NGEF: variants seen among roughly 807,000 people sequenced by gnomAD.
The protein encoded by NGEF is neuronal guanine nucleotide exchange factor.
Under a neutral mutation model 80.9 loss-of-function variants are expected in NGEF, and 31 were observed. That is an observed-to-expected ratio of 0.38 (90% CI 0.29 to 0.52). NGEF has a LOEUF of 0.52. NGEF is among the 20% of genes least tolerant of loss of function. The pLI is 0.84. For missense variants in NGEF, 709 were observed against 926.2 expected (o/e 0.77, Z 3.04); for synonymous variants, 371 against 370.2 (o/e 1.00, Z -0.03).
intron 3 of NGEF, among the ~76,000 whole-genome samples, chr2:232,947,139 G>A (rs1693576610): frequency 6.6e-6 from 1 of 152,140 alleles, no homozygotes; most frequent in East Asian, 1.9e-4. Flanking sequence ...AGTAGCAAAA[G>A]GAAAAATTGT....
chr2:232,939,661 G>A (rs892187966), intron 3 of NGEF, among the ~76,000 whole-genome samples: 4 of 152,124 alleles, frequency 2.6e-5, no homozygotes, highest in African/African-American at 9.7e-5. Context: ...TTAACATCCT[G>A]TAGAATGTTC....
intron 5 of NGEF, among the ~76,000 whole-genome samples, chr2:232,901,087 C>A (rs1057311619): frequency 7.9e-5 from 12 of 152,236 alleles, no homozygotes; most frequent in African/African-American, 2.7e-4. Context: ...AGGAAGCCAA[C>A]CTGCTCCTGA....
At chr2:232,989,481 G>GC (rs1195651293) in intron 1 of NGEF, among the ~76,000 whole-genome samples, 1 of 151,988 alleles carries the variant, frequency 6.6e-6, no homozygotes, top group African/African-American at 2.4e-5. Flanking sequence ...ACAAAACTAT[G>GC]CCAGAGTATT....
intron 3 of NGEF, among the ~76,000 whole-genome samples, chr2:232,954,360 G>T (rs575271060): frequency 1.2e-4 from 18 of 152,266 alleles, no homozygotes; most frequent in Admixed American, 9.8e-4. Flanking sequence ...TAATAGAAAA[G>T]ATGGATAAGT....
chr2:233,010,454 A>T (rs1430786339), intron 1 of NGEF, among the ~76,000 whole-genome samples: 6 of 152,178 alleles, frequency 3.9e-5, no homozygotes, highest in Non-Finnish European at 7.3e-5. Flanking sequence ...CTCCTGGAAA[A>T]TCATTAATAA....
chr2:232,963,359 CA>C (rs1191773047), intron 3 of NGEF, among the ~76,000 whole-genome samples: 1 of 151,812 alleles, frequency 6.6e-6, no homozygotes, highest in Admixed American at 6.6e-5. Flanking sequence ...ACCATAGACC[CA>C]AATGTGAAAA....
intron 8 of NGEF, among the ~76,000 whole-genome samples, chr2:232,890,709 C>T (rs373038992): frequency 6.6e-6 from 1 of 152,164 alleles, no homozygotes; most frequent in African/African-American, 2.4e-5. Context: ...GCCGGGCCCC[C>T]ACTCCCCGAC....
chr2:232,953,053 C>T (rs1029128565), intron 3 of NGEF, among the ~76,000 whole-genome samples: 1 of 149,314 alleles, frequency 6.7e-6, no homozygotes, highest in Non-Finnish European at 1.5e-5. Context: ...CCTGTAATCC[C>T]AGCACTTTGG....
chr2:232,978,493 C>A (rs937428285), intron 1 of NGEF, among the ~76,000 whole-genome samples: 1 of 152,038 alleles, frequency 6.6e-6, no homozygotes, highest in African/African-American at 2.4e-5. Flanking sequence ...CCAGCCTGGG[C>A]GACAGAGCGA....
At chr2:232,987,799 A>C (rs1258612064) in intron 1 of NGEF, among the ~76,000 whole-genome samples, 2 of 151,698 alleles carry the variant, frequency 1.3e-5, no homozygotes, top group Non-Finnish European at 2.9e-5. Context: ...AAGAAAATGA[A>C]CCCCCTCAGC....
chr2:232,983,160 G>A (rs995042551), intron 1 of NGEF, among the ~76,000 whole-genome samples: 2 of 152,056 alleles, frequency 1.3e-5, no homozygotes, highest in African/African-American at 4.8e-5. Context: ...ATCTTAAGTG[G>A]AAATTCAGAA....
intron 5 of NGEF, among the ~76,000 whole-genome samples, chr2:232,914,646 C>T (rs181295366): frequency 8.5e-5 from 13 of 152,142 alleles, no homozygotes; most frequent in South Asian, 2.1e-4. Flanking sequence ...AAGGTTACAG[C>T]GAACCAAGAT....
rs11535 is a variant in NGEF at position 232,878,822 on chromosome 2, G to C, written c.*667C>G. On this transcript the variant is annotated 3_prime_UTR_variant, in exon 15 of 15. Transcript: ENST00000264051. ...CCTTAAAACACCTGGGCTCCTTAAG[G>C]GGCTAGAAGACACAAGTTACATCCA... The C allele has an allele frequency of 0.3, 45,919 of 152,622 alleles. 7,111 individuals are homozygous for C. Among genetic ancestry groups the C allele is most frequent in the Middle Eastern group, 0.36 (104 of 292 alleles). 9.5% of individuals were successfully genotyped at this position (152,622 alleles called of 1,614,324 possible). A position where few individuals can be genotyped will look rare whatever the true frequency, so the allele number is the denominator to read the frequency against.
At chr2:232,885,981 C>T (rs1451091432) in intron 9 of NGEF, among the ~76,000 whole-genome samples, 1 of 152,232 alleles carries the variant, frequency 6.6e-6, no homozygotes, top group Non-Finnish European at 1.5e-5. Context: ...TATGCAGATA[C>T]GCAAGAACAG....
intron 1 of NGEF, among the ~76,000 whole-genome samples, chr2:232,978,258 G>GTC: frequency 6.6e-6 from 1 of 152,070 alleles, no homozygotes. Context: ...GGTGGCTCAC[G>GTC]TCTGTAATCC....
chr2:232,945,743 G>C (rs1049088877), intron 3 of NGEF, among the ~76,000 whole-genome samples: 1 of 152,150 alleles, frequency 6.6e-6, no homozygotes, highest in African/African-American at 2.4e-5. Context: ...GTGGTGCTTT[G>C]TTCCAGCGGC....
At position 232,917,188 on chromosome 2, in the gene NGEF, C is replaced by T. The variant is rs865950473; in HGVS notation, c.828+3096G>A. ...TCCAGGGAAGACAAGTTGCTAAAAA[C>T]CATCACCAAAACCAAGCTTCTACTG... On this transcript the variant is annotated intron_variant, in intron 5 of 14. Coordinates refer to ENST00000264051, the MANE Select transcript of NGEF (RefSeq NM_019850.3). Among the ~76,000 whole-genome samples, 60 of 152,336 alleles carry T rather than the reference C, an allele frequency of 3.9e-4. 2 individuals carry two copies. In the Middle Eastern group the frequency reaches 0.024, roughly 60 times the overall value.
intron 11 of NGEF, 150 bp downstream of exon 11, chr2:232,883,831 A>G (rs948311088): frequency 1.4e-5 from 11 of 811,454 alleles, no homozygotes; most frequent in African/African-American, 1.2e-4. Context: ...TAAAGGCCCA[A>G]AGCTGGGCCA....
intron 1 of NGEF, among the ~76,000 whole-genome samples, chr2:232,981,249 C>T (rs1272343660): frequency 7.0e-6 from 1 of 143,666 alleles, no homozygotes; most frequent in Non-Finnish European, 1.5e-5. Context: ...TTAAGCTGTC[C>T]TTGTTCATTC....
Sources: gnomAD v4.1 joint callset for allele counts (sites outside exome capture counted in the v4.1 genomes callset) on GRCh38, gnomAD v4.1.1 for gene constraint, MANE v1.5 for transcripts, NCBI Gene and HGNC (gene_info 2026-07-23, HGNC 2026-07-21) for gene names.